The following ATXN1 variants were observed in gnomAD, a reference collection of about 807,000 sequenced individuals.
The protein encoded by ATXN1 is ataxin-1.
A neutral mutation model predicts 56.4 loss-of-function variants in ATXN1; 8 were observed. That is an observed-to-expected ratio of 0.14 (90% CI 0.08 to 0.26). ATXN1 has a LOEUF of 0.26. Ranked by LOEUF, ATXN1 falls within the 10% of genes least tolerant of loss-of-function variation. The pLI, the probability that ATXN1 is intolerant of heterozygous loss-of-function variation, is 1.00. For synonymous variants in ATXN1, 514 were observed against 494.6 expected (o/e 1.04, Z -0.52); for missense variants, 987 against 1,106.5 (o/e 0.89, Z 1.53).
intron 2 of ATXN1, among the ~76,000 whole-genome samples, chr6:16,679,257 T>C (rs1758752918): frequency 6.8e-6 from 1 of 148,018 alleles, no homozygotes; most frequent in African/African-American, 2.5e-5. Context: ...GGTGGATGGA[T>C]GGATGGATGA....
At chr6:16,548,795 T>C (rs1254365595) in intron 4 of ATXN1, among the ~76,000 whole-genome samples, 1 of 152,010 alleles carries the variant, frequency 6.6e-6, no homozygotes, top group Non-Finnish European at 1.5e-5. Context: ...TGGTGGTGCA[T>C]GCCTGTAATC....
At chr6:16,754,381 A>G (rs192690522) in intron 1 of ATXN1, among the ~76,000 whole-genome samples, 6 of 152,304 alleles carry the variant, frequency 3.9e-5, no homozygotes, top group Non-Finnish European at 7.4e-5. Flanking sequence ...CAGTAGGAAG[A>G]AGGAGGCCCA....
At chr6:16,380,437 G>A (rs917259934) in intron 6 of ATXN1, among the ~76,000 whole-genome samples, 1 of 150,668 alleles carries the variant, frequency 6.6e-6, no homozygotes, top group Admixed American at 6.6e-5. Context: ...CTGTGTTTAG[G>A]CTCTTTTAGG....
chr6:16,473,485 G>C (rs2113641760), intron 6 of ATXN1, among the ~76,000 whole-genome samples: 1 of 152,324 alleles, frequency 6.6e-6, no homozygotes. Flanking sequence ...AGCATTTTGA[G>C]AGTGCCCCAG....
At chr6:16,413,786 T>A (rs1329311509) in intron 6 of ATXN1, among the ~76,000 whole-genome samples, 1 of 152,192 alleles carries the variant, frequency 6.6e-6, no homozygotes, top group Non-Finnish European at 1.5e-5. Flanking sequence ...CCACCTGATA[T>A]AATTTTGATT....
intron 4 of ATXN1, among the ~76,000 whole-genome samples, chr6:16,532,917 A>G (rs891817663): frequency 6.6e-6 from 1 of 152,206 alleles, no homozygotes; most frequent in African/African-American, 2.4e-5. Flanking sequence ...AGGCACTTGA[A>G]CAGATATTTG....
intron 3 of ATXN1, among the ~76,000 whole-genome samples, chr6:16,610,858 TA>T (rs10719124): frequency 0.61 from 83,007 of 136,236 alleles, 25,913 homozygotes; most frequent in East Asian, 0.88. Context: ...ACGTCATCTA[TA>T]AAAAAAAAAA....
intron 6 of ATXN1, among the ~76,000 whole-genome samples, chr6:16,385,597 A>G (rs915322173): frequency 1.3e-5 from 2 of 152,226 alleles, no homozygotes; most frequent in African/African-American, 4.8e-5. Context: ...TTTCTAACTC[A>G]GTGCCTTAAT....
At chr6:16,478,059 G>A (rs532999732) in intron 6 of ATXN1, among the ~76,000 whole-genome samples, 6 of 152,192 alleles carry the variant, frequency 3.9e-5, no homozygotes, top group Non-Finnish European at 8.8e-5. Context: ...TGGCGTCACT[G>A]CGGAGGCACA....
intron 3 of ATXN1, among the ~76,000 whole-genome samples, chr6:16,613,742 T>C (rs959236751): frequency 4.6e-5 from 7 of 152,088 alleles, no homozygotes; most frequent in African/African-American, 1.2e-4. Flanking sequence ...GGCGGGAGGA[T>C]TGCTTGAGCC....
chr6:16,490,345 A>C (rs1197733806), intron 5 of ATXN1, among the ~76,000 whole-genome samples: 1 of 152,158 alleles, frequency 6.6e-6, no homozygotes, highest in African/African-American at 2.4e-5. Context: ...AAGCATACTC[A>C]GTCACTGCTA....
chr6:16,511,657 G>C (rs928143400), intron 5 of ATXN1, among the ~76,000 whole-genome samples: 19 of 152,178 alleles, frequency 1.2e-4, no homozygotes, highest in African/African-American at 4.6e-4. Context: ...GCCAAAGTGA[G>C]AGGATTGCTT....
At chr6:16,476,623 T>G (rs2113645387) in intron 6 of ATXN1, among the ~76,000 whole-genome samples, 1 of 152,336 alleles carries the variant, frequency 6.6e-6, no homozygotes, top group South Asian at 2.1e-4. Flanking sequence ...CTTCTATCAT[T>G]TAAATCATTT....
chr6:16,456,638 T>G, intron 6 of ATXN1, among the ~76,000 whole-genome samples: 1 of 152,118 alleles, frequency 6.6e-6, no homozygotes, highest in East Asian at 1.9e-4. Context: ...CACCCATCTA[T>G]CCTATCTATC....
intron 4 of ATXN1, among the ~76,000 whole-genome samples, chr6:16,583,237 G>A (rs940911276): frequency 3.3e-5 from 5 of 152,156 alleles, no homozygotes; most frequent in Admixed American, 2.6e-4. Context: ...GGGCCAAAAC[G>A]AATGCAGCGT....
chr6:16,508,457 G>A (rs1761020678), intron 5 of ATXN1, among the ~76,000 whole-genome samples: 1 of 152,052 alleles, frequency 6.6e-6, no homozygotes, highest in Non-Finnish European at 1.5e-5. Context: ...AAGGATAAAG[G>A]ATGGCATAAA....
At chr6:16,517,950 T>C (rs1761217067) in intron 5 of ATXN1, among the ~76,000 whole-genome samples, 1 of 152,250 alleles carries the variant, frequency 6.6e-6, no homozygotes, top group African/African-American at 2.4e-5. Context: ...TATGTGTTTA[T>C]TCATTCAACA....
chr6:16,334,819 G>T (rs970197549), intron 6 of ATXN1, among the ~76,000 whole-genome samples: 4 of 152,218 alleles, frequency 2.6e-5, no homozygotes, highest in African/African-American at 9.6e-5. Context: ...AAAGGCACGT[G>T]GGAAGGATGG....
chr6:16,635,833 G>A (rs1163982524), intron 3 of ATXN1, among the ~76,000 whole-genome samples: 1 of 151,802 alleles, frequency 6.6e-6, no homozygotes, highest in Admixed American at 6.6e-5. Flanking sequence ...GGCTGGGGAG[G>A]CAGGCAACCC....
Sources: allele counts gnomAD v4.1 joint callset (sites outside exome capture counted in the v4.1 genomes callset), GRCh38; gene constraint gnomAD v4.1.1; transcripts MANE v1.5; gene names NCBI Gene and HGNC (gene_info 2026-07-23, HGNC 2026-07-21).